The following HCN2 variants were observed in gnomAD, a reference collection of about 807,000 sequenced individuals.
HCN2 encodes potassium/sodium hyperpolarization-activated cyclic nucleotide-gated channel 2.
Under a neutral mutation model 52.3 loss-of-function variants are expected in HCN2, and 20 were observed. The ratio of observed to expected loss-of-function variants is 0.38; its 90% CI spans 0.27 to 0.56. The LOEUF is 0.56. Ranked by LOEUF, HCN2 falls within the 20% of genes least tolerant of loss-of-function variation. The probability of loss-of-function intolerance (pLI) is 0.71; values close to 1 mark genes in which losing one functional copy is unlikely to be tolerated. For missense variants in HCN2, 981 were observed against 1,207.7 expected (o/e 0.81, Z 2.78); for synonymous variants, 694 against 537.0 (o/e 1.29, Z -4.04).
Position 616,894 on chromosome 19 carries a change from TGCC to T in HCN2, c.*421_*423del, listed in dbSNP as rs1382643219. The T allele has an allele frequency of 3.7e-6, 1 of 268,394 alleles. No homozygotes were observed. Among genetic ancestry groups the T allele is most frequent in the Non-Finnish European group, 7.1e-6 (1 of 140,840 alleles). 16.6% of individuals were successfully genotyped at this position (268,394 alleles called of 1,614,324 possible). On this transcript the variant is annotated 3_prime_UTR_variant, in exon 8 of 8. Transcript: ENST00000251287. Reference sequence around the variant, plus strand: ...AATACTTGGCCCGCCGGCTTCCCGCTGCCCCCATCGCGCTCACGCAATAACCGG... The same window carrying T: ...AATACTTGGCCCGCCGGCTTCCCGCTCCCATCGCGCTCACGCAATAACCGG...
In HCN2 at chr19:615,982, C is replaced by T. The variant is rs1460452369; in HGVS notation, c.2178C>T (p.Ala726=). 2.5e-6 allele frequency: 4 copies of T among 1,592,048 alleles called. No individual in the cohort carries two copies. Among genetic ancestry groups the T allele is most frequent in the African/African-American group, 2.7e-5 (2 of 74,226 alleles). Residue 726 remains alanine, a synonymous_variant, in exon 8 of 8, where the codon GCC becomes GCT. Transcript: ENST00000251287. ...PPPPPPQVTS[A]IATLQQAAAM... ...CGCCGCCGCCGCAGGTCACCTCGGC[C>T]ATCGCCACGCTGCAGCAGGCGGCGG...
chr19:616,202 G>C lies in HCN2; in HGVS notation c.2398G>C (p.Ala800Pro). The C allele has an allele frequency of 1.0e-6, 1 of 969,676 alleles. No individual in the cohort carries two copies. Among genetic ancestry groups the C allele is most frequent in the Non-Finnish European group, 1.2e-6 (1 of 826,080 alleles). The allele number at this position is 969,676 out of a possible 1,614,324, so 60.1% of individuals were successfully genotyped here. A position where few individuals can be genotyped will look rare whatever the true frequency, so the allele number is the denominator to read the frequency against. ...GACCTCGCCCTACGGCGGCCTGCCC[G>C]CCGCCCCCCTTGCTGGGCCCGCCCT... ...PRTSPYGGLP[A>P]APLAGPALPA... Residue 800 changes from alanine (A) to proline (P), a missense_variant, in exon 8 of 8, where the codon GCC becomes CCC. Around this residue, in one of 6 missense-constraint regions of HCN2, gnomAD observed 368 missense variants for 314.8 expected, o/e 1.17. Coordinates refer to ENST00000251287, the MANE Select transcript of HCN2 (RefSeq NM_001194.4).
At chr19:612,427 T>TGTGGGA in intron 5 of HCN2, among the ~76,000 whole-genome samples, 4 of 142,256 alleles carry the variant, frequency 2.8e-5, no homozygotes, top group Non-Finnish European at 6.1e-5. Flanking sequence ...TGTGTGTGTG[T>TGTGGGA]GAGAGAGAGA....
At chr19:599,355 C>T (rs1237339707) in intron 1 of HCN2, among the ~76,000 whole-genome samples, 1 of 152,184 alleles carries the variant, frequency 6.6e-6, no homozygotes, top group African/African-American at 2.4e-5. Flanking sequence ...GCCACGCCAG[C>T]GATGAGCTCC....
rs373967193 is a variant in HCN2, at chr19:610,422, G to A, written c.1584+17G>A. The A allele has an allele frequency of 2.6e-5, 42 of 1,608,914 alleles. No homozygotes were observed. Among genetic ancestry groups the A allele is most frequent in the Middle Eastern group, 1.7e-4 (1 of 5,756 alleles). The stretch of plus-strand genomic sequence containing the variant: ...CTGCGGGAGGTGAGGCGGGCGCCGG[G>A]CGGGCGGGAGGCAGCCTCCGGTACA... On this transcript the variant is annotated intron_variant, in intron 5 of 7. Transcript: ENST00000251287.
rs1982816728 is a variant in HCN2, at chr19:590,046, A to C, written c.101A>C (p.Gln34Pro). 4 of 562,624 alleles carry C rather than the reference A, an allele frequency of 7.1e-6. No homozygotes were observed. The highest frequency in any genetic ancestry group is 7.7e-5 in the Admixed American group (1 of 13,048). 34.9% of individuals were successfully genotyped at this position (562,624 alleles called of 1,614,324 possible). The part of the protein sequence containing the change: ...PPPPPAPPQQ[Q>P]PPPPPPPAPP... ...CCGCCGCCCGCGCCCCCCCAACAGC[A>C]GCCGCCGCCGCCGCCGCCGCCCGCG... The change falls in exon 1 of 8, where the codon CAG becomes CCG. Residue 34 changes from glutamine to proline, a missense_variant. This residue lies in a region of HCN2 where 215 missense variants were observed against 179.4 expected (regional missense o/e 1.20). Coordinates refer to ENST00000251287, the MANE Select transcript of HCN2 (RefSeq NM_001194.4). This position sits in a 1 kb window ranked among gnomAD's most constrained non-coding sequence, Gnocchi z 7.2.
In HCN2 at chr19:590,000, G is replaced by GCGCCGGGGC; in HGVS notation, c.61_69dup (p.Gly21_Pro23dup). 1 of 696,532 alleles carries GCGCCGGGGC rather than the reference G, an allele frequency of 1.4e-6. No individual in the cohort carries two copies. Among genetic ancestry groups the GCGCCGGGGC allele is most frequent in the Non-Finnish European group, 1.7e-6 (1 of 582,436 alleles). The allele number at this position is 696,532 out of a possible 1,614,324, so 43.1% of individuals were successfully genotyped here. On this transcript the variant is annotated inframe_insertion, in exon 1 of 8. Coordinates refer to ENST00000251287, the MANE Select transcript of HCN2 (RefSeq NM_001194.4). The stretch of plus-strand genomic sequence containing the variant: ...CGGGGAGAGCCCGGGCGCGACCCCC[G>GCGCCGGGGC]CGCCGGGGCCGCCGCCGCCGCCGCC...
At chr19:595,708 C>T (rs934611105) in intron 1 of HCN2, among the ~76,000 whole-genome samples, 1 of 151,976 alleles carries the variant, frequency 6.6e-6, no homozygotes, top group Non-Finnish European at 1.5e-5. Context: ...TCTGCCCCGT[C>T]GGGATCACCC....
In HCN2 at chr19:597,568, C is replaced by A. The variant is rs374461328; in HGVS notation, c.633-5976C>A. On this transcript the variant is annotated intron_variant, in intron 1 of 7. Coordinates refer to ENST00000251287, the MANE Select transcript of HCN2 (RefSeq NM_001194.4). ...TAGGTCTTCCTGGTGGTTTGTAGAT[C>A]TCCTTGGCGGTTTCTAGGTCCTCCT... 2.3e-3 allele frequency among the ~76,000 whole-genome samples: 339 copies of A among 149,824 alleles called. 10 individuals carry two copies. Among genetic ancestry groups the A allele is most frequent in the Non-Finnish European group, 4.1e-3 (275 of 67,358 alleles).
chr19:594,960 G>A (rs1184548125), intron 1 of HCN2, among the ~76,000 whole-genome samples: 1 of 152,144 alleles, frequency 6.6e-6, no homozygotes, highest in Non-Finnish European at 1.5e-5. Flanking sequence ...CAGTACTTTG[G>A]GAGGCGGAGG....
chr19:593,830 G>A (rs1013469960), intron 1 of HCN2, among the ~76,000 whole-genome samples: 4 of 152,262 alleles, frequency 2.6e-5, no homozygotes, highest in South Asian at 2.1e-4. Context: ...AGGTGATCAC[G>A]GTTGGTGCCT....
chr19:599,501 C>T (rs955666346), intron 1 of HCN2, among the ~76,000 whole-genome samples: 8 of 152,110 alleles, frequency 5.3e-5, no homozygotes, highest in Non-Finnish European at 8.8e-5. Context: ...AAGAATTGGC[C>T]GGGCGCGGTG....
At chr19:612,414 G>GTC (rs1983678067) in intron 5 of HCN2, among the ~76,000 whole-genome samples, 1 of 130,122 alleles carries the variant, frequency 7.7e-6, no homozygotes, top group Non-Finnish European at 1.8e-5. Context: ...GTGTGTGTGT[G>GTC]TGTGTGTGTG....
intron 7 of HCN2, among the ~76,000 whole-genome samples, chr19:614,778 G>C (rs28406180): frequency 6.6e-6 from 1 of 152,144 alleles, no homozygotes; most frequent in Non-Finnish European, 1.5e-5. Context: ...AAGGCGGGCC[G>C]TGTCCAGGAG....
chr19:609,970 T>G (rs1423589413), intron 4 of HCN2, among the ~76,000 whole-genome samples: 2 of 152,230 alleles, frequency 1.3e-5, no homozygotes. Context: ...GTTTATTTGC[T>G]CTTGTTGAAT....
Position 590,512 on chromosome 19 carries a change from G to A in HCN2, c.567G>A (p.Val189=). Residue 189 remains valine, a synonymous_variant, in exon 1 of 8, where the codon GTG becomes GTA. Transcript: ENST00000251287. The surrounding 1 kb of genome is among the most constrained non-coding windows in gnomAD (Gnocchi z 7.2). ...GGATGTTCGGCAGCCAGAAGGCCGT[G>A]GAGCGCGAGCAGGAGCGCGTCAAGT... The part of the protein sequence containing the change: ...SLRMFGSQKA[V]EREQERVKSA... 6.6e-7 allele frequency: 1 copy of A among 1,521,718 alleles called. No homozygotes were observed. The highest frequency in any genetic ancestry group is 1.2e-5 in the South Asian group (1 of 83,006). The allele number at this position is 1,521,718 out of a possible 1,614,324, so 94.3% of individuals were successfully genotyped here.
intron 1 of HCN2, among the ~76,000 whole-genome samples, chr19:594,319 G>T (rs1181084344): frequency 6.6e-6 from 1 of 152,176 alleles, no homozygotes. Context: ...CAGGTGTCGG[G>T]TGGAGAGAGG....
chr19:610,452 C>G (rs377463646), intron 5 of HCN2, 47 bp downstream of exon 5: 1 of 1,563,476 alleles, frequency 6.4e-7, no homozygotes. Context: ...GGTACAGGGC[C>G]GGCCTCCCTC....
At chr19:615,449 C>T (rs1007253141) in intron 7 of HCN2, among the ~76,000 whole-genome samples, 6 of 152,124 alleles carry the variant, frequency 3.9e-5, no homozygotes, top group African/African-American at 1.4e-4. Context: ...GGGAGGTGGA[C>T]CTTGCAGTGG....
Sources: allele counts gnomAD v4.1 joint callset (sites outside exome capture counted in the v4.1 genomes callset), GRCh38; gene constraint gnomAD v4.1.1; regional missense constraint gnomAD v4.1.1; non-coding constraint Gnocchi (gnomAD v3.1); transcripts MANE v1.5; gene names NCBI Gene and HGNC (gene_info 2026-07-23, HGNC 2026-07-21).